ASIC2: variants seen among roughly 807,000 people sequenced by gnomAD.
ASIC2 encodes the protein acid sensing ion channel subunit 2, also known as acid-sensing ion channel 2.
Under a neutral mutation model 57.3 loss-of-function variants are expected in ASIC2, and 25 were observed. The ratio of observed to expected loss-of-function variants is 0.44; its 90% confidence interval spans 0.32 to 0.61. The LOEUF (loss-of-function observed/expected upper bound fraction) is 0.61. Among genes scored for constraint, ASIC2 ranks in the 20% least tolerant of loss-of-function variants. The pLI, the probability that ASIC2 is intolerant of heterozygous loss-of-function variation, is 0.06. For synonymous variants in ASIC2, 319 were observed against 307.5 expected (o/e 1.04, Z -0.39); for missense variants, 641 against 738.1 (o/e 0.87, Z 1.52).
At chr17:33,316,367 G>A (rs1393650092) in intron 1 of ASIC2, among the ~76,000 whole-genome samples, 1 of 152,186 alleles carries the variant, frequency 6.6e-6, no homozygotes, top group African/African-American at 2.4e-5. Flanking sequence ...TACAGCCACT[G>A]CTCTCCAACA....
At chr17:33,918,150 T>A (rs1170182738) in intron 1 of ASIC2, among the ~76,000 whole-genome samples, 1 of 152,196 alleles carries the variant, frequency 6.6e-6, no homozygotes, top group Non-Finnish European at 1.5e-5. Flanking sequence ...GGAAAATCCT[T>A]CTCTCCAACT....
At chr17:33,134,867 A>G (rs1200267736) in intron 1 of ASIC2, among the ~76,000 whole-genome samples, 1 of 152,226 alleles carries the variant, frequency 6.6e-6, no homozygotes, top group Non-Finnish European at 1.5e-5. Context: ...TAAGTTCTGT[A>G]CTGGGCTTTC....
At chr17:33,834,267 G>C (rs2141902885) in intron 1 of ASIC2, 1 of 152,398 alleles carries the variant, frequency 6.6e-6, no homozygotes, top group Non-Finnish European at 1.5e-5. Flanking sequence ...CTTCATAGCA[G>C]AGCCAGGGCA....
intron 1 of ASIC2, among the ~76,000 whole-genome samples, chr17:33,376,294 T>A (rs118078102): frequency 2.5e-4 from 38 of 152,140 alleles, no homozygotes; most frequent in Non-Finnish European, 4.3e-4. Flanking sequence ...AATGAGCTAA[T>A]GGGGTGCTCC....
chr17:33,741,631 T>C (rs1406728444), intron 1 of ASIC2, among the ~76,000 whole-genome samples: 1 of 152,222 alleles, frequency 6.6e-6, no homozygotes. Flanking sequence ...CCAGGCATGC[T>C]GGTAGTCAGA....
chr17:33,176,253 G>A (rs141638665), intron 1 of ASIC2, among the ~76,000 whole-genome samples: 126 of 152,260 alleles, frequency 8.3e-4, no homozygotes, highest in East Asian at 6.8e-3. Context: ...TCTGTCTCCC[G>A]CATTGGACTG....
At chr17:33,359,760 C>T (rs186623748) in intron 1 of ASIC2, among the ~76,000 whole-genome samples, 24 of 152,264 alleles carry the variant, frequency 1.6e-4, no homozygotes, top group African/African-American at 5.8e-4. Flanking sequence ...CTTCCTGTTG[C>T]CTCCCAGAAT....
At chr17:33,926,652 T>C (rs879849510) in intron 1 of ASIC2, among the ~76,000 whole-genome samples, 3 of 152,248 alleles carry the variant, frequency 2.0e-5, no homozygotes, top group Non-Finnish European at 4.4e-5. Flanking sequence ...CATTTTCTTA[T>C]ACTGATTCAT....
chr17:33,167,583 C>G (rs1037035469), intron 1 of ASIC2, among the ~76,000 whole-genome samples: 2 of 152,178 alleles, frequency 1.3e-5, no homozygotes, highest in Admixed American at 1.3e-4. Context: ...AAAGGGAGCT[C>G]TGCTGCTACC....
At chr17:33,908,294 T>C (rs1204095449) in intron 1 of ASIC2, among the ~76,000 whole-genome samples, 1 of 152,248 alleles carries the variant, frequency 6.6e-6, no homozygotes, top group African/African-American at 2.4e-5. Flanking sequence ...TTCTTCAGTA[T>C]TTGTAATTTG....
intron 1 of ASIC2, among the ~76,000 whole-genome samples, chr17:33,799,454 CTTTCTTTCTTTCT>C (rs1912056287): frequency 1.1e-5 from 1 of 89,082 alleles, no homozygotes; most frequent in South Asian, 3.2e-4. Flanking sequence ...TTCTTTCTTT[CTTTCTTTCTTTCT>C]TTCTTTCTTT....
chr17:33,062,097 C>G (rs1037094424), intron 3 of ASIC2, among the ~76,000 whole-genome samples: 1 of 152,070 alleles, frequency 6.6e-6, no homozygotes, highest in African/African-American at 2.4e-5. Flanking sequence ...TTTTGTTGAT[C>G]TTTTCAAAAA....
intron 1 of ASIC2, among the ~76,000 whole-genome samples, chr17:33,491,325 G>A (rs1913751000): frequency 6.6e-6 from 1 of 152,136 alleles, no homozygotes; most frequent in Non-Finnish European, 1.5e-5. Context: ...GGGCACCCAG[G>A]CCCAAGGGCT....
chr17:33,263,916 C>T (rs1353592594), intron 1 of ASIC2, among the ~76,000 whole-genome samples: 1 of 151,522 alleles, frequency 6.6e-6, no homozygotes, highest in African/African-American at 2.4e-5. Context: ...GTCCCCAAGT[C>T]GCAGGGCTGG....
intron 1 of ASIC2, among the ~76,000 whole-genome samples, chr17:33,425,393 C>T (rs923453783): frequency 6.6e-6 from 1 of 152,214 alleles, no homozygotes; most frequent in African/African-American, 2.4e-5. Context: ...CTGTAGAGTA[C>T]AGACAGGCAG....
chr17:34,032,926 C>A (rs1907682822), intron 1 of ASIC2, among the ~76,000 whole-genome samples: 1 of 152,132 alleles, frequency 6.6e-6, no homozygotes, highest in Non-Finnish European at 1.5e-5. Context: ...GAGACTTTAA[C>A]ACCCCACTGT....
At chr17:33,909,227 T>C (rs1915410860) in intron 1 of ASIC2, among the ~76,000 whole-genome samples, 1 of 152,218 alleles carries the variant, frequency 6.6e-6, no homozygotes. Flanking sequence ...ACAATTCCTG[T>C]AACAAGAGGA....
At chr17:34,073,372 C>T (rs1598008258) in intron 1 of ASIC2, among the ~76,000 whole-genome samples, 1 of 152,328 alleles carries the variant, frequency 6.6e-6, no homozygotes, top group South Asian at 2.1e-4. Context: ...CTATAGTTTG[C>T]TGATCCCTGA....
At chr17:33,898,621 T>A (rs317355) in intron 1 of ASIC2, among the ~76,000 whole-genome samples, 135,899 of 152,212 alleles carry the variant, frequency 0.89, 60,884 homozygotes, top group African/African-American at 0.97. Context: ...ACTAAACTAT[T>A]GATCTCATTA....
Sources: gnomAD v4.1 joint callset for allele counts (sites outside exome capture counted in the v4.1 genomes callset) on GRCh38, gnomAD v4.1.1 for gene constraint, MANE v1.5 for transcripts, NCBI Gene and HGNC (gene_info 2026-07-23, HGNC 2026-07-21) for gene names.